PPP2R2D: variants seen among roughly 807,000 people sequenced by gnomAD.
PPP2R2D encodes protein phosphatase 2 regulatory subunit Bdelta.
PPP2R2D carries 9 observed loss-of-function variants against 31.1 expected under a neutral mutation model. The ratio of observed to expected loss-of-function variants is 0.29; its 90% CI spans 0.17 to 0.51. PPP2R2D has a LOEUF of 0.51. PPP2R2D is among the 20% of genes least tolerant of loss of function. The probability of loss-of-function intolerance (pLI) is 0.98; values close to 1 mark genes in which losing one functional copy is unlikely to be tolerated. For missense variants in PPP2R2D, 391 were observed against 465.6 expected (o/e 0.84, Z 1.48); for synonymous variants, 179 against 172.6 (o/e 1.04, Z -0.29).
At chr10:131,940,483 A>G (rs541343018) in intron 4 of PPP2R2D, 99 bp from the exon 5 acceptor site, 2 of 644,054 alleles carry the variant, frequency 3.1e-6, no homozygotes, top group Non-Finnish European at 5.6e-6. Context: ...CTTATAACCC[A>G]ATATAGGACC....
At chr10:131,913,854 A>G (rs2035725986) in intron 2 of PPP2R2D, among the ~76,000 whole-genome samples, 1 of 152,230 alleles carries the variant, frequency 6.6e-6, no homozygotes, top group Admixed American at 6.5e-5. Flanking sequence ...ATGATGTTAG[A>G]TATCTCAGAG....
Position 131,959,203 on chromosome 10 carries a change from C to G in PPP2R2D, c.*3240C>G. On this transcript the variant is annotated 3_prime_UTR_variant, in exon 9 of 9. Transcript: ENST00000455566. Reference sequence around the variant, plus strand: ...GGAGATGAAGGTGTGTGCTGATCCCCCGTCCTCCTGTGGAGATGAAGGCGT... The same window carrying G: ...GGAGATGAAGGTGTGTGCTGATCCCGCGTCCTCCTGTGGAGATGAAGGCGT... 6.2e-6 allele frequency: 1 copy of G among 161,730 alleles called. No homozygotes were observed. The highest frequency in any genetic ancestry group is 1.0e-4 in the South Asian group (1 of 9,594). The allele number at this position is 161,730 out of a possible 1,614,324, so 10.0% of individuals were successfully genotyped here.
chr10:131,944,237 T>C, intron 6 of PPP2R2D, 92 bp downstream of exon 6: 1 of 1,057,282 alleles, frequency 9.5e-7, no homozygotes, highest in Non-Finnish European at 1.4e-6. Context: ...TATCTCGGAG[T>C]CTAGTCTTGT....
At chr10:131,941,933 G>C (rs1195343441) in intron 5 of PPP2R2D, among the ~76,000 whole-genome samples, 1 of 152,238 alleles carries the variant, frequency 6.6e-6, no homozygotes, top group Admixed American at 6.5e-5. Context: ...TTTGAACCAA[G>C]ATGTTTTGAT....
intron 2 of PPP2R2D, among the ~76,000 whole-genome samples, chr10:131,913,726 C>A (rs2035722732): frequency 6.6e-6 from 1 of 152,158 alleles, no homozygotes. Context: ...CGTTACAGGC[C>A]TCCATTATTG....
chr10:131,938,607 A>C (rs1331063000), intron 3 of PPP2R2D, among the ~76,000 whole-genome samples: 1 of 152,146 alleles, frequency 6.6e-6, no homozygotes, highest in African/African-American at 2.4e-5. Flanking sequence ...AAGATGGCAT[A>C]TGTCTTCCCA....
intron 8 of PPP2R2D, among the ~76,000 whole-genome samples, chr10:131,953,806 C>T (rs1038686475): frequency 1.3e-5 from 2 of 151,944 alleles, no homozygotes; most frequent in East Asian, 1.9e-4. Flanking sequence ...CAGTGACTTG[C>T]GGGTACATGG....
At chr10:131,905,767 T>A (rs1028969588) in intron 2 of PPP2R2D, among the ~76,000 whole-genome samples, 2 of 152,358 alleles carry the variant, frequency 1.3e-5, no homozygotes, top group East Asian at 3.9e-4. Context: ...CCACGCCGAC[T>A]GGCCGCAGAG....
chr10:131,902,861 G>C (rs1245475927), intron 2 of PPP2R2D, among the ~76,000 whole-genome samples: 1 of 151,940 alleles, frequency 6.6e-6, no homozygotes, highest in East Asian at 1.9e-4. Context: ...CAAGCGATTC[G>C]CCCACCTCAG....
At position 131,947,081 on chromosome 10, in the gene PPP2R2D, A is replaced by C. The variant is rs1277564314; in HGVS notation, c.821-449A>C. ...ACCGCTGTGTCTGCATGACCATATAATGCTGTTTGTGTCTTCCTGTGATGT... is the reference window on the plus strand; with the variant it reads ...ACCGCTGTGTCTGCATGACCATATACTGCTGTTTGTGTCTTCCTGTGATGT... On this transcript the variant is annotated intron_variant, in intron 7 of 8. Coordinates refer to ENST00000455566, the MANE Select transcript of PPP2R2D (RefSeq NM_018461.5). The surrounding 1 kb of genome is among the most constrained non-coding windows in gnomAD (Gnocchi z 4.3). Among the ~76,000 whole-genome samples the C allele has an allele frequency of 2.6e-5, 4 of 152,112 alleles. No individual in the cohort carries two copies. Among genetic ancestry groups the C allele is most frequent in the Non-Finnish European group, 5.9e-5 (4 of 68,010 alleles).
At chr10:131,917,604 C>T (rs1191963783) in intron 2 of PPP2R2D, among the ~76,000 whole-genome samples, 2 of 100,182 alleles carry the variant, frequency 2.0e-5, no homozygotes, top group Non-Finnish European at 3.9e-5. Flanking sequence ...AGGGACCTCA[C>T]GTGGGTGGAA....
intron 2 of PPP2R2D, among the ~76,000 whole-genome samples, chr10:131,905,753 G>A (rs2035572092): frequency 6.6e-6 from 1 of 152,232 alleles, no homozygotes; most frequent in African/African-American, 2.4e-5. Context: ...GCCAGGGTTT[G>A]GAGCCACGCC....
At chr10:131,970,734 G>A in the PPP2R2D span, 39 of 1,614,190 alleles carry the variant, frequency 2.4e-5, no homozygotes, top group African/African-American at 1.6e-4. This position sits in a 1 kb window ranked among gnomAD's most constrained non-coding sequence, Gnocchi z 4.1. Context: ...CATGACGCTC[G>A]TGTTCCTCAT....
intron 2 of PPP2R2D, among the ~76,000 whole-genome samples, chr10:131,921,113 A>G (rs1458574940): frequency 3.3e-5 from 5 of 152,216 alleles, no homozygotes; most frequent in Non-Finnish European, 7.3e-5. Flanking sequence ...TTTTGATACC[A>G]GCTCTCAGAG....
rs529217855 is a variant in PPP2R2D at position 131,956,640 on chromosome 10, T to A, written c.*677T>A. 6.3e-5 allele frequency: 56 copies of A among 882,830 alleles called. No homozygotes were observed. In the East Asian group the frequency reaches 6.6e-3, roughly 105 times the overall value. 54.7% of individuals were successfully genotyped at this position (882,830 alleles called of 1,614,324 possible). A position where few individuals can be genotyped will look rare whatever the true frequency, so the allele number is the denominator to read the frequency against. On this transcript the variant is annotated 3_prime_UTR_variant, in exon 9 of 9. Coordinates refer to ENST00000455566, the MANE Select transcript of PPP2R2D (RefSeq NM_018461.5). ...GAACTAACTGTTTGAGAAATGTGTG[T>A]CCTTCTTTGGCAGCGTGGGGGTATG...
intron 2 of PPP2R2D, among the ~76,000 whole-genome samples, chr10:131,926,977 T>A (rs1430588600): frequency 6.6e-6 from 1 of 152,122 alleles, no homozygotes; most frequent in Non-Finnish European, 1.5e-5. Flanking sequence ...CATGAAGGAC[T>A]GGGAGGAGAG....
Position 131,957,389 on chromosome 10 carries a change from C to T in PPP2R2D, c.*1426C>T, listed in dbSNP as rs530406422. 36 of 213,086 alleles carry T rather than the reference C, an allele frequency of 1.7e-4. No individual in the cohort carries two copies. The highest frequency in any genetic ancestry group is 1.9e-4 in the Non-Finnish European group (20 of 104,728). 13.2% of individuals were successfully genotyped at this position (213,086 alleles called of 1,614,324 possible). A position where few individuals can be genotyped will look rare whatever the true frequency, so the allele number is the denominator to read the frequency against. ...TGGAGATGGAGGTGTGTGCTGCTCC[C>T]TCGTGCCCCTGTGGAGATGGAGGTG... On this transcript the variant is annotated 3_prime_UTR_variant, in exon 9 of 9. Transcript: ENST00000455566.
Position 131,944,066 on chromosome 10 carries a change from T to C in PPP2R2D, c.576T>C (p.Asn192=), listed in dbSNP as rs782226261. ...ATCATATAAATTCCATTTCAGTAAATAGTGATCATGAAACATATCTTTCTG... is the reference window on the plus strand; with the variant it reads ...ATCATATAAATTCCATTTCAGTAAACAGTGATCATGAAACATATCTTTCTG... ...HTYHINSISV[N]SDHETYLSAD... Residue 192 remains asparagine (N), a synonymous_variant, in exon 6 of 9, where the codon AAT becomes AAC. Transcript: ENST00000455566. 38 of 1,607,734 alleles carry C rather than the reference T, an allele frequency of 2.4e-5. No homozygotes were observed. Among genetic ancestry groups the C allele is most frequent in the Admixed American group, 1.2e-4 (7 of 59,896 alleles).
At chr10:131,914,192 A>G (rs1471527838) in intron 2 of PPP2R2D, among the ~76,000 whole-genome samples, 1 of 152,212 alleles carries the variant, frequency 6.6e-6, no homozygotes. Flanking sequence ...ATTAATCATC[A>G]TAGAAATGGT....
Sources: allele counts gnomAD v4.1 joint callset (sites outside exome capture counted in the v4.1 genomes callset), GRCh38; gene constraint gnomAD v4.1.1; non-coding constraint Gnocchi (gnomAD v3.1); transcripts MANE v1.5; gene names NCBI Gene and HGNC (gene_info 2026-07-23, HGNC 2026-07-21).